The following KCNAB2 variants were observed in gnomAD, a reference collection of about 807,000 sequenced individuals.
KCNAB2 encodes the protein voltage-gated potassium channel subunit beta-2.
KCNAB2 carries 29 observed loss-of-function variants against 63.6 expected under a neutral mutation model. That is an observed-to-expected ratio of 0.46 (90% CI 0.34 to 0.62). The LOEUF (loss-of-function observed/expected upper bound fraction) is 0.62, where lower values mean the gene tolerates loss of function less well. KCNAB2 is among the 20% of genes least tolerant of loss of function. KCNAB2 has a pLI of 0.01. For synonymous variants in KCNAB2, 222 were observed against 224.2 expected (o/e 0.99, Z 0.09); for missense variants, 359 against 563.9 (o/e 0.64, Z 3.68).
At position 6,071,902 on chromosome 1, in the gene KCNAB2, G is replaced by T. The variant is rs1440090878; in HGVS notation, c.219-853G>T. ...CCTGCCGCGTAGGGCTCCTCCTGCC[G>T]CGTAGGGCTCCCGGGAGGATCCGGG... On this transcript the variant is annotated intron_variant, in intron 2 of 15. Transcript: ENST00000378083. The surrounding 1 kb of genome is among the most constrained non-coding windows in gnomAD (Gnocchi z 8.5). 1.3e-5 allele frequency among the ~76,000 whole-genome samples: 2 copies of T among 151,724 alleles called. No homozygotes were observed. The highest frequency in any genetic ancestry group is 1.9e-4 in the East Asian group (1 of 5,182).
At position 6,087,558 on chromosome 1, in the gene KCNAB2, C is replaced by A; in HGVS notation, c.470+47C>A. 3.8e-6 allele frequency: 6 copies of A among 1,597,610 alleles called. No homozygotes were observed. Among genetic ancestry groups the A allele is most frequent in the Non-Finnish European group, 5.1e-6 (6 of 1,165,372 alleles). On this transcript the variant is annotated intron_variant, in intron 7 of 15. Coordinates refer to ENST00000378083, the MANE Select transcript of KCNAB2 (RefSeq NM_001199862.2). The surrounding 1 kb of genome is among the most constrained non-coding windows in gnomAD (Gnocchi z 6.4). ...GCTTCCAGCCCCGGCCCAGCAGCCA[C>A]GGCCCCGTGCTCCCCAGAGACCCCT...
intron 1 of KCNAB2, among the ~76,000 whole-genome samples, chr1:6,037,998 C>A (rs992546642): frequency 3.3e-5 from 5 of 151,782 alleles, no homozygotes; most frequent in Non-Finnish European, 5.9e-5. Context: ...CCTCACCCTC[C>A]CAAGTAGCTG....
chr1:6,072,944 A>G, intron 3 of KCNAB2, 146 bp downstream of exon 3: 2 of 459,920 alleles, frequency 4.3e-6, no homozygotes, highest in South Asian at 5.9e-5. Context: ...CCCAGGATTC[A>G]GGGGGGCTCG....
intron 13 of KCNAB2, chr1:6,095,985 G>A (rs1299550387): frequency 1.4e-5 from 6 of 427,390 alleles, no homozygotes; most frequent in Admixed American, 1.3e-4. Flanking sequence ...CTCCGAGATG[G>A]GGGCTGCAAA....
chr1:6,057,060 G>A (rs532038774), intron 2 of KCNAB2, among the ~76,000 whole-genome samples: 7 of 151,418 alleles, frequency 4.6e-5, no homozygotes, highest in Non-Finnish European at 8.8e-5. Context: ...AAGGCGCTGC[G>A]TGGTCTTGGT....
intron 1 of KCNAB2, among the ~76,000 whole-genome samples, chr1:6,048,223 G>C (rs1316290306): frequency 6.6e-6 from 1 of 152,192 alleles, no homozygotes; most frequent in Non-Finnish European, 1.5e-5. Flanking sequence ...CAAACCTGTG[G>C]TCACAAGTTC....
intron 9 of KCNAB2, 43 bp downstream of exon 9, chr1:6,090,518 G>T (rs929461853): frequency 6.1e-6 from 9 of 1,465,058 alleles, no homozygotes; most frequent in East Asian, 4.6e-5. Flanking sequence ...CCTGGGCGGG[G>T]TCTGAAGGGT....
chr1:6,084,770 C>T (rs1664542758), intron 5 of KCNAB2, among the ~76,000 whole-genome samples: 1 of 98,708 alleles, frequency 1.0e-5, no homozygotes, highest in African/African-American at 4.3e-5. Flanking sequence ...GAGCCGAGAT[C>T]TCGCCACTAC....
At chr1:6,002,008 T>C (rs548121506) in intron 1 of KCNAB2, among the ~76,000 whole-genome samples, 28 of 152,304 alleles carry the variant, frequency 1.8e-4, no homozygotes, top group Middle Eastern at 3.4e-3. Context: ...TGTCCCTGCC[T>C]AGACTGTGGG....
At chr1:6,020,236 T>G (rs769267011) in intron 1 of KCNAB2, among the ~76,000 whole-genome samples, 17 of 152,172 alleles carry the variant, frequency 1.1e-4, no homozygotes, top group Non-Finnish European at 2.9e-5. Context: ...CCTTATGTTG[T>G]AGAAATAGCT....
chr1:6,087,474 A>G lies in KCNAB2; in HGVS notation c.433A>G (p.Ser145Gly). The change falls in exon 7 of 16, where the codon AGC (serine) becomes GGC (glycine). Residue 145 changes from serine (S) to glycine (G), a missense_variant. Ser to Gly is a moderately conservative substitution (Grantham distance 56). Transcript: ENST00000378083. The surrounding 1 kb of genome is among the most constrained non-coding windows in gnomAD (Gnocchi z 6.4). The part of the protein sequence containing the change: ...IIKKKGWRRS[S>G]LVITTKIFWG... ...TTCTCTTCTGTTCCACAGGCGGTCC[A>G]GCCTCGTCATCACCACCAAGATCTT... 6.2e-7 allele frequency: 1 copy of G among 1,614,216 alleles called. No homozygotes were observed. Among genetic ancestry groups the G allele is most frequent in the Non-Finnish European group, 8.5e-7 (1 of 1,180,026 alleles).
chr1:6,099,267 G>A lies in KCNAB2; in HGVS notation c.*693G>A, dbSNP rs921587761. Reference sequence around the variant, plus strand: ...ACCCCCACCCTTGCTGGCAGGGGCAGGGACCCCAGGGGGATTGACTCTGCA... The same window carrying A: ...ACCCCCACCCTTGCTGGCAGGGGCAAGGACCCCAGGGGGATTGACTCTGCA... On this transcript the variant is annotated 3_prime_UTR_variant, in exon 16 of 16. Coordinates refer to ENST00000378083, the MANE Select transcript of KCNAB2 (RefSeq NM_001199862.2). 11 of 152,230 alleles carry A rather than the reference G, an allele frequency of 7.2e-5. No individual in the cohort carries two copies. The highest frequency in any genetic ancestry group is 2.6e-4 in the Admixed American group (4 of 15,314). The allele number at this position is 152,230 out of a possible 1,614,324, so 9.4% of individuals were successfully genotyped here.
intron 10 of KCNAB2, among the ~76,000 whole-genome samples, chr1:6,091,587 G>A (rs543424993): frequency 6.6e-6 from 1 of 152,000 alleles, no homozygotes; most frequent in Admixed American, 6.6e-5. Context: ...GCGGCCGGGG[G>A]TCCTCTTGAT....
intron 2 of KCNAB2, among the ~76,000 whole-genome samples, chr1:6,057,065 C>G (rs1570978635): frequency 6.6e-6 from 1 of 151,304 alleles, no homozygotes; most frequent in African/African-American, 2.4e-5. Context: ...GCTGCGTGGT[C>G]TTGGTCTTAA....
rs1007651364 is a variant in KCNAB2, at chr1:6,073,574, G to T, written c.263-159G>T. On this transcript the variant is annotated intron_variant, in intron 3 of 15. Transcript: ENST00000378083. This position sits in a 1 kb window ranked among gnomAD's most constrained non-coding sequence, Gnocchi z 5.7. ...CAGGAGAGCAGGACTTTCTCTGAAG[G>T]CCAGCTGTCCACACACACTAAGGAC... Among the ~76,000 whole-genome samples the T allele has an allele frequency of 2.0e-5, 3 of 152,168 alleles. No individual in the cohort carries two copies. The highest frequency in any genetic ancestry group is 6.5e-5 in the Admixed American group (1 of 15,282).
chr1:5,993,741 C>T (rs1460957300), intron 1 of KCNAB2, among the ~76,000 whole-genome samples: 1 of 152,220 alleles, frequency 6.6e-6, no homozygotes, highest in African/African-American at 2.4e-5. Context: ...CCCTGGCCAC[C>T]GTCTCCTTCC....
At chr1:6,033,083 G>T (rs115215309), upstream of KCNAB2, among the ~76,000 whole-genome samples, 202 of 152,340 alleles carry the variant, frequency 1.3e-3, no homozygotes, top group African/African-American at 4.7e-3. Flanking sequence ...TAGGTACAAT[G>T]CTGGTGCTGT....
chr1:6,023,391 G>A (rs1458897676), intron 1 of KCNAB2, among the ~76,000 whole-genome samples: 2 of 151,696 alleles, frequency 1.3e-5, no homozygotes, highest in African/African-American at 2.4e-5. Flanking sequence ...TTCCATAGTG[G>A]CTGTACCATT....
chr1:6,009,865 C>CT (rs1045188193), intron 1 of KCNAB2, among the ~76,000 whole-genome samples: 88 of 140,642 alleles, frequency 6.3e-4, no homozygotes, highest in African/African-American at 1.3e-3. Context: ...TATTTCTTTT[C>CT]TTTTTTTCTT....
Sources: gnomAD v4.1 joint callset for allele counts (sites outside exome capture counted in the v4.1 genomes callset) on GRCh38, gnomAD v4.1.1 for gene constraint, Gnocchi (gnomAD v3.1) non-coding constraint, MANE v1.5 for transcripts, NCBI Gene and HGNC (gene_info 2026-07-23, HGNC 2026-07-21) for gene names.